Variants in THSD7A observed in about 807,000 individuals in gnomAD.
THSD7A encodes thrombospondin type 1 domain containing 7A, also known as thrombospondin type-1 domain-containing protein 7A.
A neutral mutation model predicts 231.3 loss-of-function variants in THSD7A; 96 were observed. The ratio of observed to expected loss-of-function variants is 0.41; its 90% confidence interval spans 0.35 to 0.49. The LOEUF is 0.49. THSD7A is among the 20% of genes least tolerant of loss of function. THSD7A has a pLI of 0.05. For synonymous variants in THSD7A, 940 were observed against 743.3 expected (o/e 1.26, Z -4.30); for missense variants, 2,290 against 2,070.2 (o/e 1.11, Z -2.06).
At chr7:11,588,618 G>T (rs563183655) in intron 4 of THSD7A, among the ~76,000 whole-genome samples, 1 of 151,832 alleles carries the variant, frequency 6.6e-6, no homozygotes, top group African/African-American at 2.4e-5. Context: ...GTGGTTGGGG[G>T]GAGCTCTAAA....
At chr7:11,725,937 T>C (rs1781530899) in intron 1 of THSD7A, among the ~76,000 whole-genome samples, 1 of 152,182 alleles carries the variant, frequency 6.6e-6, no homozygotes, top group African/African-American at 2.4e-5. Context: ...ATTACAAATA[T>C]ATTGAAAATA....
chr7:11,654,439 A>G (rs1361533201), intron 1 of THSD7A, among the ~76,000 whole-genome samples: 1 of 151,972 alleles, frequency 6.6e-6, no homozygotes, highest in Non-Finnish European at 1.5e-5. Context: ...TTGTTCTTTA[A>G]TAACTGTGGA....
intron 11 of THSD7A, among the ~76,000 whole-genome samples, chr7:11,450,306 A>T (rs1483489256): frequency 6.6e-6 from 1 of 151,912 alleles, no homozygotes; most frequent in Non-Finnish European, 1.5e-5. Flanking sequence ...AATCTTAAGT[A>T]CTCTAGCTAG....
At chr7:11,629,007 G>A (rs1164035938) in intron 2 of THSD7A, among the ~76,000 whole-genome samples, 1 of 152,174 alleles carries the variant, frequency 6.6e-6, no homozygotes, top group Non-Finnish European at 1.5e-5. Flanking sequence ...TCAAGGGAAA[G>A]GATTTTACTA....
At chr7:11,500,925 C>T (rs1397294116) in intron 6 of THSD7A, among the ~76,000 whole-genome samples, 1 of 144,916 alleles carries the variant, frequency 6.9e-6, no homozygotes, top group East Asian at 2.0e-4. Context: ...CAGAGTGAAA[C>T]TCTGTCTCAA....
intron 1 of THSD7A, among the ~76,000 whole-genome samples, chr7:11,810,068 T>A (rs1250577439): frequency 6.6e-6 from 1 of 152,114 alleles, no homozygotes; most frequent in Non-Finnish European, 1.5e-5. Context: ...GGAGACATTA[T>A]AAGAGACTGA....
At chr7:11,769,385 T>C (rs1192923353) in intron 1 of THSD7A, among the ~76,000 whole-genome samples, 1 of 151,650 alleles carries the variant, frequency 6.6e-6, no homozygotes, top group African/African-American at 2.4e-5. Context: ...GAATAGTTAA[T>C]TATTAAATCA....
At chr7:11,399,629 T>C (rs1783322127) in intron 23 of THSD7A, among the ~76,000 whole-genome samples, 1 of 152,164 alleles carries the variant, frequency 6.6e-6, no homozygotes, top group South Asian at 2.1e-4. Flanking sequence ...TCACACCAGT[T>C]AGAATGGCGA....
rs1186188917 is a variant in THSD7A, at chr7:11,417,488, C to A, written c.3499G>T (p.Val1167Leu). The part of the protein sequence containing the change: ...VCKLPCPEDC[V>L]ISEWGPWTQC... Reference sequence around the variant, plus strand: ...GTCCATGGACCCCATTCAGATATCACACAGTCCTCAGGGCATGGTAATTTG... The same window carrying A: ...GTCCATGGACCCCATTCAGATATCAAACAGTCCTCAGGGCATGGTAATTTG... Residue 1167 changes from valine to leucine, a missense_variant, in exon 17 of 28, where the codon GTG becomes TTG. Transcript: ENST00000423059. 1.2e-6 allele frequency: 2 copies of A among 1,612,228 alleles called. No individual in the cohort carries two copies. The highest frequency in any genetic ancestry group is 1.7e-6 in the Non-Finnish European group (2 of 1,179,408).
chr7:11,732,679 A>T (rs1297154418), intron 1 of THSD7A, among the ~76,000 whole-genome samples: 1 of 151,826 alleles, frequency 6.6e-6, no homozygotes, highest in African/African-American at 2.4e-5. Flanking sequence ...TTTCAACTCT[A>T]TCTTATCCAG....
chr7:11,486,085 AG>A (rs1424374575), intron 6 of THSD7A, among the ~76,000 whole-genome samples: 2 of 152,204 alleles, frequency 1.3e-5, no homozygotes. Flanking sequence ...TGGCTATTAC[AG>A]GCAACTTCAT....
At chr7:11,653,231 T>A (rs547204094) in intron 1 of THSD7A, among the ~76,000 whole-genome samples, 18 of 152,014 alleles carry the variant, frequency 1.2e-4, no homozygotes, top group African/African-American at 3.9e-4. Flanking sequence ...ATTTTGCTGA[T>A]TCAAAATTTG....
At chr7:11,526,278 T>C (rs552068671) in intron 6 of THSD7A, among the ~76,000 whole-genome samples, 20 of 152,288 alleles carry the variant, frequency 1.3e-4, no homozygotes, top group Admixed American at 7.2e-4. Context: ...TATACTTCTG[T>C]GCTTTGCATA....
rs1239066854 is a variant in THSD7A, at chr7:11,611,787, A to AACATACAC, written c.1023-18286_1023-18285insGTGTATGT. ...TACAACTAGCCATAAAGTACCATAA[A>AACATACAC]ACACACACACACACACACACACACA... On this transcript the variant is annotated intron_variant, in intron 2 of 27. Transcript: ENST00000423059. 1.4e-4 allele frequency among the ~76,000 whole-genome samples: 19 copies of AACATACAC among 138,686 alleles called. No homozygotes were observed. The Admixed American group carries it at 1.4e-3, about 10-fold the overall frequency. 91.0% of individuals were successfully genotyped at this position (138,686 alleles called of 152,430 possible).
chr7:11,387,835 G>A (rs1161019843), intron 23 of THSD7A, among the ~76,000 whole-genome samples: 1 of 152,130 alleles, frequency 6.6e-6, no homozygotes, highest in Non-Finnish European at 1.5e-5. Context: ...GTATGGTATT[G>A]GCTGTGGGTT....
rs115652084 is a variant in THSD7A at position 11,794,154 on chromosome 7, G to A, written c.190+37603C>T. Among the ~76,000 whole-genome samples, 666 of 151,892 alleles carry A rather than the reference G, an allele frequency of 4.4e-3. 7 individuals carry two copies. The highest frequency in any genetic ancestry group is 0.015 in the African/African-American group (621 of 41,484). On this transcript the variant is annotated intron_variant, in intron 1 of 27. Coordinates refer to ENST00000423059, the MANE Select transcript of THSD7A (RefSeq NM_015204.3). ...TTCCATTATAATAAGTAAACATACA[G>A]GGCAGGAGATAAGAGAAGTCTGTGA... is the stretch of plus-strand genomic sequence containing the variant.
At chr7:11,404,816 A>G (rs1056066292) in intron 22 of THSD7A, among the ~76,000 whole-genome samples, 1 of 152,078 alleles carries the variant, frequency 6.6e-6, no homozygotes, top group African/African-American at 2.4e-5. Context: ...AGATCTACCC[A>G]CTTAACACAT....
rs927282083 is a variant in THSD7A, at chr7:11,727,523, C to G, written c.191-90562G>C. 5.3e-5 allele frequency among the ~76,000 whole-genome samples: 8 copies of G among 151,942 alleles called. No homozygotes were observed. In the East Asian group the frequency reaches 1.6e-3, roughly 30 times the overall value. ...ATAAGATAGACATTCATTTACTACT[C>G]TTTCTCAAAATTCATTTGGGGCCCA... is the stretch of plus-strand genomic sequence containing the variant. On this transcript the variant is annotated intron_variant, in intron 1 of 27. Transcript: ENST00000423059.
chr7:11,467,589 T>C (rs966561785), intron 9 of THSD7A, among the ~76,000 whole-genome samples: 1 of 152,140 alleles, frequency 6.6e-6, no homozygotes, highest in African/African-American at 2.4e-5. Flanking sequence ...TGCTAAGAAG[T>C]TTTTAAAAGT....
Sources: allele counts gnomAD v4.1 joint callset (sites outside exome capture counted in the v4.1 genomes callset), GRCh38; gene constraint gnomAD v4.1.1; transcripts MANE v1.5; gene names NCBI Gene and HGNC (gene_info 2026-07-23, HGNC 2026-07-21).